The following PCDHGA7 variants were observed in gnomAD, a reference collection of about 807,000 sequenced individuals.
The protein encoded by PCDHGA7 is protocadherin gamma-A7.
A neutral mutation model predicts 58.3 loss-of-function variants in PCDHGA7; 44 were observed. That is an observed-to-expected ratio of 0.75 (90% CI 0.59 to 0.97). The LOEUF (loss-of-function observed/expected upper bound fraction) is 0.97, where lower values mean the gene tolerates loss of function less well. Among genes scored for constraint, PCDHGA7 ranks in the 50% least tolerant of loss-of-function variants. PCDHGA7 has a pLI of 0.00. For missense variants in PCDHGA7, 1,266 were observed against 1,188.7 expected (o/e 1.06, Z -0.96); for synonymous variants, 516 against 504.2 (o/e 1.02, Z -0.31).
At chr5:141,498,971 GGGAAGGAAGGAAGGAAGGAA>G (rs201769957) in intron 2 of PCDHGA7, among the ~76,000 whole-genome samples, 1,566 of 111,048 alleles carry the variant, frequency 0.014, 32 homozygotes, top group African/African-American at 0.048. Flanking sequence ...GAGGGAGGGA[GGGAAGGAAGGAAGGAAGGAA>G]GGAAGGAAGG....
intron 1 of PCDHGA7, among the ~76,000 whole-genome samples, chr5:141,445,902 T>C (rs1022574381): frequency 3.9e-5 from 6 of 152,186 alleles, no homozygotes; most frequent in Non-Finnish European, 8.8e-5. Context: ...TTAAAATATT[T>C]TAAACAAGGC....
intron 1 of PCDHGA7, chr5:141,417,742 G>A: frequency 7.0e-7 from 1 of 1,418,808 alleles, no homozygotes. Flanking sequence ...CAGCACACCA[G>A]ATTGCCAGCT....
rs562192762 is a variant in PCDHGA7, at chr5:141,485,718, T to C, written c.2425-9089T>C. 1 of 1,614,058 alleles carries C rather than the reference T, an allele frequency of 6.2e-7. No homozygotes were observed. The highest frequency in any genetic ancestry group is 2.2e-5 in the East Asian group (1 of 44,866). On this transcript the variant is annotated intron_variant, in intron 1 of 3. Coordinates refer to ENST00000518325, the MANE Select transcript of PCDHGA7 (RefSeq NM_018920.4). This position sits in a 1 kb window ranked among gnomAD's most constrained non-coding sequence, Gnocchi z 5.7. ...TCCAATGAACACTTTGCACTGGATG[T>C]GAAGAAGCGCAGCGACGGCAGCCTG...
chr5:141,477,453 A>G lies in PCDHGA7; in HGVS notation c.2425-17354A>G, dbSNP rs886363658. 1 of 1,614,018 alleles carries G rather than the reference A, an allele frequency of 6.2e-7. No homozygotes were observed. Among genetic ancestry groups the G allele is most frequent in the African/African-American group, 1.3e-5 (1 of 74,910 alleles). The stretch of plus-strand genomic sequence containing the variant: ...TCAGCCCTTACAATAGTGCGTGTTC[A>G]AGTGTCCGACATCAATGACAACCCT... On this transcript the variant is annotated intron_variant, in intron 1 of 3. Coordinates refer to ENST00000518325, the MANE Select transcript of PCDHGA7 (RefSeq NM_018920.4). This position sits in a 1 kb window ranked among gnomAD's most constrained non-coding sequence, Gnocchi z 4.9.
chr5:141,473,245 C>T (rs2099317733), intron 1 of PCDHGA7, among the ~76,000 whole-genome samples: 1 of 152,134 alleles, frequency 6.6e-6, no homozygotes, highest in African/African-American at 2.4e-5. Context: ...CAAGTGAATA[C>T]ATATATAGTC....
At position 141,460,338 on chromosome 5, in the gene PCDHGA7, T is replaced by C. The variant is rs1180912204; in HGVS notation, c.2425-34469T>C. Among the ~76,000 whole-genome samples, 4 of 152,222 alleles carry C rather than the reference T, an allele frequency of 2.6e-5. No homozygotes were observed. The East Asian group carries it at 7.7e-4, about 29-fold the overall frequency. On this transcript the variant is annotated intron_variant, in intron 1 of 3. Transcript: ENST00000518325. ...GCCTACTGAAAACTTATGATGATTT[T>C]CTCCTATATTTTCTTTTAGAAGTTT...
At chr5:141,397,627 T>C (rs2093547800) in intron 1 of PCDHGA7, among the ~76,000 whole-genome samples, 1 of 152,224 alleles carries the variant, frequency 6.6e-6, no homozygotes, top group African/African-American at 2.4e-5. Context: ...TAGTTCTAGC[T>C]AAGAGTTCAA....
In PCDHGA7 at chr5:141,432,059, A is replaced by G. The variant is rs752124614; in HGVS notation, c.2424+46736A>G. The stretch of plus-strand genomic sequence containing the variant: ...TGACCGGGGAACCCCGCCCCTATCC[A>G]CGGAAACTCATATCTCGCTGAACGT... On this transcript the variant is annotated intron_variant, in intron 1 of 3. Coordinates refer to ENST00000518325, the MANE Select transcript of PCDHGA7 (RefSeq NM_018920.4). The surrounding 1 kb of genome is among the most constrained non-coding windows in gnomAD (Gnocchi z 6.0). 17 of 1,614,052 alleles carry G rather than the reference A, an allele frequency of 1.1e-5. No individual in the cohort carries two copies. The highest frequency in any genetic ancestry group is 1.3e-5 in the African/African-American group (1 of 74,918).
intron 1 of PCDHGA7, among the ~76,000 whole-genome samples, chr5:141,430,358 C>T (rs2097275535): frequency 6.7e-6 from 1 of 149,028 alleles, no homozygotes; most frequent in South Asian, 2.1e-4. Flanking sequence ...TTTAAAAGCT[C>T]ATTGGGGAAA....
chr5:141,463,135 C>G (rs1352400365), intron 1 of PCDHGA7, among the ~76,000 whole-genome samples: 1 of 152,128 alleles, frequency 6.6e-6, no homozygotes, highest in African/African-American at 2.4e-5. Flanking sequence ...GGCAGTTCTT[C>G]GCCCAGCTGC....
chr5:141,400,453 C>G, intron 1 of PCDHGA7: 2 of 1,614,056 alleles, frequency 1.2e-6, no homozygotes, highest in South Asian at 2.2e-5. Flanking sequence ...ACAAGACATA[C>G]TTTGTGGTGA....
At position 141,490,819 on chromosome 5, in the gene PCDHGA7, C is replaced by T; in HGVS notation, c.2425-3988C>T. Reference sequence around the variant, plus strand: ...CCAGCGTACCTTTGACTATGAATTGCTGCAGATGCTGCAGATTGTGGTGGG... The same window carrying T: ...CCAGCGTACCTTTGACTATGAATTGTTGCAGATGCTGCAGATTGTGGTGGG... On this transcript the variant is annotated intron_variant, in intron 1 of 3. Transcript: ENST00000518325. This position sits in a 1 kb window ranked among gnomAD's most constrained non-coding sequence, Gnocchi z 5.4. 2 of 1,613,842 alleles carry T rather than the reference C, an allele frequency of 1.2e-6. No individual in the cohort carries two copies. Among genetic ancestry groups the T allele is most frequent in the Non-Finnish European group, 8.5e-7 (1 of 1,179,804 alleles).
chr5:141,415,740 G>GTTTTTTTTTTTTTTTTTTTTT (rs57426385), intron 1 of PCDHGA7: 5 of 625,024 alleles, frequency 8.0e-6, no homozygotes, highest in Non-Finnish European at 8.5e-6. Flanking sequence ...GTTTATTAAG[G>GTTTTTTTTTTTTTTTTTTTTT]TTTTTTTTTT....
chr5:141,457,997 G>A (rs2098934533), intron 1 of PCDHGA7, among the ~76,000 whole-genome samples: 1 of 152,152 alleles, frequency 6.6e-6, no homozygotes, highest in Non-Finnish European at 1.5e-5. Context: ...TAAAGCCTTG[G>A]CAAAATAACC....
intron 1 of PCDHGA7, among the ~76,000 whole-genome samples, chr5:141,492,408 C>T (rs1187024017): frequency 2.0e-5 from 3 of 152,244 alleles, no homozygotes; most frequent in African/African-American, 2.4e-5. Flanking sequence ...CTCCCCTCTG[C>T]CGCTCCCTCC....
chr5:141,431,561 G>C lies in PCDHGA7; in HGVS notation c.2424+46238G>C. On this transcript the variant is annotated intron_variant, in intron 1 of 3. Transcript: ENST00000518325. The surrounding 1 kb of genome is among the most constrained non-coding windows in gnomAD (Gnocchi z 4.8). ...GCAGCTGCTTGTAGTCAACGCTACC[G>C]ACCCTGACGAAGGAGTCAATGCGGA... 6.2e-7 allele frequency: 1 copy of C among 1,614,146 alleles called. No homozygotes were observed. The highest frequency in any genetic ancestry group is 1.1e-5 in the South Asian group (1 of 91,080).
intron 3 of PCDHGA7, among the ~76,000 whole-genome samples, chr5:141,510,591 A>G (rs1050708244): frequency 6.6e-6 from 1 of 152,176 alleles, no homozygotes; most frequent in Non-Finnish European, 1.5e-5. Flanking sequence ...TACCTGACAT[A>G]CATTTTCTTA....
chr5:141,419,177 C>G (rs1223789288), intron 1 of PCDHGA7: 3 of 1,613,980 alleles, frequency 1.9e-6, no homozygotes, highest in Non-Finnish European at 2.5e-6. Flanking sequence ...AACCATAACC[C>G]TGCACATTAC....
At position 141,477,795 on chromosome 5, in the gene PCDHGA7, G is replaced by T. The variant is rs778851755; in HGVS notation, c.2425-17012G>T. The T allele has an allele frequency of 1.2e-5, 19 of 1,613,946 alleles. 1 individual carries two copies. In the South Asian group the frequency reaches 1.6e-4, roughly 14 times the overall value. On this transcript the variant is annotated intron_variant, in intron 1 of 3. Transcript: ENST00000518325. The surrounding 1 kb of genome is among the most constrained non-coding windows in gnomAD (Gnocchi z 4.9). ...AGCGTGAACATATTTGTCACTGATC[G>T]CAATGACAATGCCCCCCAGGTCCTA...
Sources: allele counts gnomAD v4.1 joint callset (sites outside exome capture counted in the v4.1 genomes callset), GRCh38; gene constraint gnomAD v4.1.1; non-coding constraint Gnocchi (gnomAD v3.1); transcripts MANE v1.5; gene names NCBI Gene and HGNC (gene_info 2026-07-23, HGNC 2026-07-21).